The following ELP4 variants were observed in gnomAD, a reference collection of about 807,000 sequenced individuals.
ELP4 encodes the protein elongator complex protein 4.
In ELP4, 51 loss-of-function variants were observed where a neutral mutation model predicts 48.9. That is an observed-to-expected ratio of 1.04 (90% CI 0.83 to 1.32). The LOEUF is 1.32. ELP4 is among the 40% of genes most tolerant of loss of function. The probability of loss-of-function intolerance (pLI) is 0.00; values close to 1 mark genes in which losing one functional copy is unlikely to be tolerated. For synonymous variants in ELP4, 210 were observed against 189.2 expected (o/e 1.11, Z -0.90); for missense variants, 519 against 514.6 (o/e 1.01, Z -0.08).
At chr11:31,576,969 CA>C (rs1355440926) in intron 3 of ELP4, among the ~76,000 whole-genome samples, 7 of 151,744 alleles carry the variant, frequency 4.6e-5, no homozygotes, top group Non-Finnish European at 7.4e-5. Context: ...GATGGAGACA[CA>C]AAAAAACTTT....
At chr11:31,542,525 T>G (rs1243585057) in intron 3 of ELP4, among the ~76,000 whole-genome samples, 2 of 152,194 alleles carry the variant, frequency 1.3e-5, no homozygotes, top group Non-Finnish European at 2.9e-5. Context: ...AGTGAAAAAC[T>G]TCATAATTCA....
rs1218511151 is a variant in ELP4 at position 31,512,788 on chromosome 11, TCCGCCCCCCCTCCC to T, written c.223+2789_223+2802del. ...ATTCTGGCAGAAATGCCCCCTGCCC[TCCGCCCCCCCTCCC>T]CCGCCCCGCCCACCCAACCCCATTC... On this transcript the variant is annotated intron_variant, in intron 1 of 9. Coordinates refer to ENST00000640961, the MANE Select transcript of ELP4 (RefSeq NM_019040.5). Among the ~76,000 whole-genome samples the T allele has an allele frequency of 5.5e-5, 4 of 73,158 alleles. No homozygotes were observed. The East Asian group carries it at 1.7e-3, about 31-fold the overall frequency. 48.0% of individuals were successfully genotyped at this position (73,158 alleles called of 152,430 possible).
intron 5 of ELP4, among the ~76,000 whole-genome samples, chr11:31,625,480 C>G (rs1363915385): frequency 6.6e-6 from 1 of 151,658 alleles, no homozygotes; most frequent in South Asian, 2.1e-4. Flanking sequence ...AACCTTCAAA[C>G]AGAAATCTTG....
intron 5 of ELP4, among the ~76,000 whole-genome samples, chr11:31,612,367 G>C (rs1449412619): frequency 6.6e-6 from 1 of 152,080 alleles, no homozygotes; most frequent in African/African-American, 2.4e-5. Context: ...AACTTAAAAA[G>C]GGTTATTTCA....
chr11:31,604,216 T>C lies in ELP4; in HGVS notation c.653+309T>C, dbSNP rs16922310. 1.1e-4 allele frequency among the ~76,000 whole-genome samples: 16 copies of C among 151,908 alleles called. No individual in the cohort carries two copies. The South Asian group carries it at 3.1e-3, about 30-fold the overall frequency. ...TGTAGAACAGTTCTAAATCAGAGTC[T>C]TTCAGCTTTAAATGCAAATAGACAC... On this transcript the variant is annotated intron_variant, in intron 5 of 9. Transcript: ENST00000640961.
chr11:31,600,845 A>T (rs1957768007), intron 4 of ELP4, among the ~76,000 whole-genome samples: 1 of 152,172 alleles, frequency 6.6e-6, no homozygotes, highest in Admixed American at 6.6e-5. Context: ...CTTTTCTTTG[A>T]AAGTTTTGTT....
In ELP4 at chr11:31,786,505, C is replaced by T. The variant is rs938076259; in HGVS notation, c.*2981C>T. On this transcript the variant is annotated 3_prime_UTR_variant, in exon 10 of 10. Coordinates refer to ENST00000640961, the MANE Select transcript of ELP4 (RefSeq NM_019040.5). ...ATGAAAAAGAGAAGAATATATATTT[C>T]GCCTTGGTGAGCCAAACATACAGAG... The T allele has an allele frequency of 1.8e-5, 4 of 223,594 alleles. No individual in the cohort carries two copies. Among genetic ancestry groups the T allele is most frequent in the South Asian group, 1.8e-4 (1 of 5,440 alleles). The allele number at this position is 223,594 out of a possible 1,614,324, so 13.9% of individuals were successfully genotyped here.
At chr11:31,557,128 A>G (rs960548499) in intron 3 of ELP4, among the ~76,000 whole-genome samples, 1 of 151,912 alleles carries the variant, frequency 6.6e-6, no homozygotes, top group Non-Finnish European at 1.5e-5. Context: ...TAATAAAGCA[A>G]TACATATAAC....
intron 5 of ELP4, among the ~76,000 whole-genome samples, chr11:31,613,868 C>G (rs1958028692): frequency 6.6e-6 from 1 of 151,736 alleles, no homozygotes; most frequent in South Asian, 2.1e-4. Flanking sequence ...ACCACCACAC[C>G]TGGCTAATTT....
At chr11:31,714,619 C>A in intron 9 of ELP4, 2 of 398,476 alleles carry the variant, frequency 5.0e-6, no homozygotes, top group Non-Finnish European at 8.8e-6. Context: ...TATTTTCCTA[C>A]GGTTCTGGCA....
intron 9 of ELP4, among the ~76,000 whole-genome samples, chr11:31,674,386 C>T (rs889199097): frequency 4.6e-5 from 7 of 152,106 alleles, no homozygotes; most frequent in Non-Finnish European, 1.0e-4. Context: ...TGTTTAATTG[C>T]TTGCATGCCA....
At chr11:31,694,821 C>G (rs964974317) in intron 9 of ELP4, among the ~76,000 whole-genome samples, 2 of 152,110 alleles carry the variant, frequency 1.3e-5, no homozygotes, top group Admixed American at 6.6e-5. Flanking sequence ...TTGTTTTTAT[C>G]CTTTTTTATT....
chr11:31,587,063 C>T (rs1957488434), intron 3 of ELP4, among the ~76,000 whole-genome samples: 1 of 152,186 alleles, frequency 6.6e-6, no homozygotes, highest in Non-Finnish European at 1.5e-5. Flanking sequence ...TGCCTCTCCC[C>T]ATTACTCTGT....
In ELP4 at chr11:31,526,019, C is replaced by T. The variant is rs188830496; in HGVS notation, c.259+5928C>T. 5.9e-4 allele frequency among the ~76,000 whole-genome samples: 90 copies of T among 152,150 alleles called. No individual in the cohort carries two copies. The East Asian group carries it at 8.5e-3, about 14-fold the overall frequency. Reference sequence around the variant, plus strand: ...TTCATGTAAAATAAACTCTGATATCCTAAAATCTTATCCTTAAATATTTTA... The same window carrying T: ...TTCATGTAAAATAAACTCTGATATCTTAAAATCTTATCCTTAAATATTTTA... On this transcript the variant is annotated intron_variant, in intron 2 of 9. Coordinates refer to ENST00000640961, the MANE Select transcript of ELP4 (RefSeq NM_019040.5).
At chr11:31,545,453 A>T (rs7925916) in intron 3 of ELP4, among the ~76,000 whole-genome samples, 2 of 151,756 alleles carry the variant, frequency 1.3e-5, no homozygotes, top group African/African-American at 4.8e-5. Flanking sequence ...AAAAAGAAAC[A>T]AACAAAGCCT....
At position 31,715,753 on chromosome 11, in the gene ELP4, T is replaced by C. The variant is rs1477227945; in HGVS notation, c.1143+65532T>C. ...TTACTGCTTAATCTTTTGCTACTTA[T>C]ATGTGAGCCTAGGTTTCCTTTCCTG... On this transcript the variant is annotated intron_variant, in intron 9 of 9. Transcript: ENST00000640961. 5.9e-5 allele frequency among the ~76,000 whole-genome samples: 9 copies of C among 152,346 alleles called. No individual in the cohort carries two copies. In the East Asian group the frequency reaches 1.3e-3, roughly 23 times the overall value.
At chr11:31,688,469 C>T (rs74897497) in intron 9 of ELP4, among the ~76,000 whole-genome samples, 2,421 of 152,210 alleles carry the variant, frequency 0.016, 28 homozygotes, top group Non-Finnish European at 0.027. Flanking sequence ...TCCTCCCACT[C>T]TTTTGATCTT....
chr11:31,691,323 C>G (rs1294100490), intron 9 of ELP4, among the ~76,000 whole-genome samples: 1 of 151,852 alleles, frequency 6.6e-6, no homozygotes, highest in Non-Finnish European at 1.5e-5. Context: ...TATTACTTGT[C>G]TTAATTATCA....
At chr11:31,722,707 T>TTC (rs769685133) in intron 9 of ELP4, among the ~76,000 whole-genome samples, 86 of 78,582 alleles carry the variant, frequency 1.1e-3, no homozygotes, top group African/African-American at 7.4e-3. Context: ...GTCTCTCTCT[T>TTC]TCTCTCTCTC....
Sources: allele counts gnomAD v4.1 joint callset (sites outside exome capture counted in the v4.1 genomes callset), GRCh38; gene constraint gnomAD v4.1.1; transcripts MANE v1.5; gene names NCBI Gene and HGNC (gene_info 2026-07-23, HGNC 2026-07-21).